GLIS1: variants seen among roughly 807,000 people sequenced by gnomAD.
GLIS1 encodes the protein zinc finger protein GLIS1.
GLIS1 carries 24 observed loss-of-function variants against 63.8 expected under a neutral mutation model. The ratio of observed to expected loss-of-function variants is 0.38; its 90% CI spans 0.27 to 0.53. GLIS1 has a LOEUF of 0.53. GLIS1 is among the 20% of genes least tolerant of loss of function. The probability of loss-of-function intolerance (pLI) is 0.85; values close to 1 mark genes in which losing one functional copy is unlikely to be tolerated. For missense variants in GLIS1, 1,036 were observed against 1,074.1 expected, an observed-to-expected ratio of 0.96 and a Z score of 0.50; for synonymous variants, 450 against 482.5, an observed-to-expected ratio of 0.93 and a Z score of 0.88.
intron 2 of GLIS1, among the ~76,000 whole-genome samples, chr1:53,631,670 G>T (rs748361637): frequency 6.6e-6 from 1 of 152,170 alleles, no homozygotes; most frequent in Non-Finnish European, 1.5e-5. Context: ...AAAACAGGAA[G>T]GGGCATATGA....
In GLIS1 at chr1:53,526,922, C is replaced by T. The variant is rs1354422670; in HGVS notation, c.1483-2035G>A. On this transcript the variant is annotated intron_variant, in intron 5 of 10. Coordinates refer to ENST00000628545, the MANE Select transcript of GLIS1 (RefSeq NM_001367484.1). This position sits in a 1 kb window ranked among gnomAD's most constrained non-coding sequence, Gnocchi z 4.4. ...GGAATGGCCATGTGGGCTGCAGCGC[C>T]GGGCGGCCTCCCTCTGTCTGTAATG... is the stretch of plus-strand genomic sequence containing the variant. Among the ~76,000 whole-genome samples the T allele has an allele frequency of 1.3e-5, 2 of 152,270 alleles. No homozygotes were observed. The highest frequency in any genetic ancestry group is 2.1e-4 in the South Asian group (1 of 4,834).
chr1:53,508,295 G>T (rs1263969913), intron 10 of GLIS1, among the ~76,000 whole-genome samples: 1 of 152,210 alleles, frequency 6.6e-6, no homozygotes, highest in African/African-American at 2.4e-5. Context: ...GTGTGGACGT[G>T]GACCCACAGG....
intron 2 of GLIS1, among the ~76,000 whole-genome samples, chr1:53,673,509 G>A (rs1463149645): frequency 1.3e-5 from 2 of 152,194 alleles, no homozygotes; most frequent in Non-Finnish European, 2.9e-5. Flanking sequence ...AGAGTCCTTT[G>A]ACACCTACTT....
At chr1:53,729,749 T>G (rs1646841132) in intron 2 of GLIS1, among the ~76,000 whole-genome samples, 1 of 152,224 alleles carries the variant, frequency 6.6e-6, no homozygotes, top group Non-Finnish European at 1.5e-5. Context: ...ATGCTTTGCT[T>G]TAGGCATCTG....
In GLIS1 at chr1:53,526,171, A is replaced by T. The variant is rs1644466857; in HGVS notation, c.1483-1284T>A. ...GGAGGAAATGACACCTCTCAGAGTGAGTGCCAGGGACTGCCATGTCCTGCC... is the reference window on the plus strand; with the variant it reads ...GGAGGAAATGACACCTCTCAGAGTGTGTGCCAGGGACTGCCATGTCCTGCC... On this transcript the variant is annotated intron_variant, in intron 5 of 10. Transcript: ENST00000628545. This position sits in a 1 kb window ranked among gnomAD's most constrained non-coding sequence, Gnocchi z 4.4. Among the ~76,000 whole-genome samples, 1 of 152,134 alleles carries T rather than the reference A, an allele frequency of 6.6e-6. No homozygotes were observed.
In GLIS1 at chr1:53,598,933, C is replaced by T. The variant is rs1012566761; in HGVS notation, c.437+1168G>A. The stretch of plus-strand genomic sequence containing the variant: ...TCAGGAGAGATCTTTGCTTCCTTCA[C>T]CAAGATGCTCCCAGCACCGACCACA... On this transcript the variant is annotated intron_variant, in intron 3 of 10. Transcript: ENST00000628545. The surrounding 1 kb of genome is among the most constrained non-coding windows in gnomAD (Gnocchi z 4.6). Among the ~76,000 whole-genome samples the T allele has an allele frequency of 2.0e-5, 3 of 152,228 alleles. No individual in the cohort carries two copies. The highest frequency in any genetic ancestry group is 4.4e-5 in the Non-Finnish European group (3 of 68,042).
chr1:53,516,222 T>C lies in GLIS1; in HGVS notation c.1727-1441A>G, dbSNP rs147513368. Reference sequence around the variant, plus strand: ...CCATGGATCCAGACCAGTGCTCTTATTACACCAGAAGGACCAATCTGAGAA... The same window carrying C: ...CCATGGATCCAGACCAGTGCTCTTACTACACCAGAAGGACCAATCTGAGAA... On this transcript the variant is annotated intron_variant, in intron 7 of 10. Coordinates refer to ENST00000628545, the MANE Select transcript of GLIS1 (RefSeq NM_001367484.1). Among the ~76,000 whole-genome samples the C allele has an allele frequency of 3.8e-3, 582 of 152,266 alleles. 1 individual carries two copies. Among genetic ancestry groups the C allele is most frequent in the Non-Finnish European group, 6.4e-3 (438 of 68,008 alleles).
chr1:53,669,240 C>A (rs1432399459), intron 2 of GLIS1, among the ~76,000 whole-genome samples: 1 of 152,142 alleles, frequency 6.6e-6, no homozygotes, highest in Admixed American at 6.5e-5. Flanking sequence ...AGGTGAGAGA[C>A]CTGGACACGG....
intron 2 of GLIS1, among the ~76,000 whole-genome samples, chr1:53,649,158 T>C (rs1326933929): frequency 6.6e-6 from 1 of 152,248 alleles, no homozygotes; most frequent in Admixed American, 6.5e-5. Context: ...AAAATGTATG[T>C]AGATACTAGT....
At chr1:53,699,096 A>C (rs1324751028) in intron 2 of GLIS1, among the ~76,000 whole-genome samples, 1 of 151,544 alleles carries the variant, frequency 6.6e-6, no homozygotes, top group Non-Finnish European at 1.5e-5. Flanking sequence ...ACAGAGTCTC[A>C]TTCTGTCACC....
At chr1:53,573,520 G>C (rs1292930384) in intron 4 of GLIS1, among the ~76,000 whole-genome samples, 2 of 152,176 alleles carry the variant, frequency 1.3e-5, no homozygotes, top group East Asian at 3.9e-4. Context: ...GACACACACA[G>C]AGATGTGCAG....
intron 2 of GLIS1, among the ~76,000 whole-genome samples, chr1:53,686,365 GC>G (rs1023626698): frequency 9.9e-5 from 15 of 152,190 alleles, no homozygotes; most frequent in Non-Finnish European, 2.1e-4. Flanking sequence ...CTTTCCACCA[GC>G]CCCCTAGCCT....
intron 7 of GLIS1, among the ~76,000 whole-genome samples, chr1:53,519,426 G>T (rs1311825403): frequency 6.6e-6 from 1 of 152,206 alleles, no homozygotes; most frequent in Non-Finnish European, 1.5e-5. Context: ...TGAGGGGAAA[G>T]AATAAAAAAT....
chr1:53,627,496 C>T (rs1351657280), intron 2 of GLIS1, among the ~76,000 whole-genome samples: 2 of 152,084 alleles, frequency 1.3e-5, no homozygotes, highest in African/African-American at 2.4e-5. Flanking sequence ...TAAAATGGGA[C>T]CCCAGTACTA....
intron 9 of GLIS1, 128 bp from the exon 10 acceptor site, chr1:53,509,415 AG>A: frequency 9.9e-7 from 1 of 1,014,300 alleles, no homozygotes; most frequent in Non-Finnish European, 1.4e-6. Context: ...TGAGAGAGAG[AG>A]GAGGGCCCAG....
chr1:53,730,384 T>C lies in GLIS1; in HGVS notation c.259+7422A>G, dbSNP rs537070708. On this transcript the variant is annotated intron_variant, in intron 2 of 10. Coordinates refer to ENST00000628545, the MANE Select transcript of GLIS1 (RefSeq NM_001367484.1). The stretch of plus-strand genomic sequence containing the variant: ...ACTAGGTATTAAATACCCAACCCTC[T>C]GAGAAGTAATTCATATAGTCCAGCA... Among the ~76,000 whole-genome samples, 13 of 152,334 alleles carry C rather than the reference T, an allele frequency of 8.5e-5. 1 individual carries two copies. In the South Asian group the frequency reaches 1.7e-3, roughly 19 times the overall value.
intron 2 of GLIS1, among the ~76,000 whole-genome samples, chr1:53,706,950 T>C (rs1646584940): frequency 6.6e-6 from 1 of 152,172 alleles, no homozygotes. Context: ...CCAGCACCTG[T>C]CAAATCACAA....
At chr1:53,580,122 G>A (rs1361521524) in intron 4 of GLIS1, among the ~76,000 whole-genome samples, 1 of 152,150 alleles carries the variant, frequency 6.6e-6, no homozygotes, top group Non-Finnish European at 1.5e-5. Flanking sequence ...GGGTGGCTAT[G>A]CCTGCAGGCT....
chr1:53,606,307 C>T (rs1290286762), intron 2 of GLIS1, among the ~76,000 whole-genome samples: 4 of 152,176 alleles, frequency 2.6e-5, no homozygotes, highest in Non-Finnish European at 5.9e-5. Context: ...CGGAGTCATG[C>T]CAGCAGCCCT....
Sources: allele counts gnomAD v4.1 joint callset (sites outside exome capture counted in the v4.1 genomes callset), GRCh38; gene constraint gnomAD v4.1.1; non-coding constraint Gnocchi (gnomAD v3.1); transcripts MANE v1.5; gene names NCBI Gene and HGNC (gene_info 2026-07-23, HGNC 2026-07-21).